RCAN2: variants seen among roughly 807,000 people sequenced by gnomAD.
The protein encoded by RCAN2 is regulator of calcineurin 2.
A neutral mutation model predicts 23.6 loss-of-function variants in RCAN2; 9 were observed. The observed-to-expected ratio is 0.38, with a 90% CI of 0.23 to 0.67. RCAN2 has a LOEUF of 0.67. RCAN2 is among the 30% of genes least tolerant of loss of function. The pLI is 0.51. For missense variants in RCAN2, 273 were observed against 302.3 expected (o/e 0.90, Z 0.72); for synonymous variants, 109 against 115.7 (o/e 0.94, Z 0.37).
intron 2 of RCAN2, among the ~76,000 whole-genome samples, chr6:46,285,288 C>T (rs1762336964): frequency 6.6e-6 from 1 of 152,196 alleles, no homozygotes; most frequent in Non-Finnish European, 1.5e-5. Flanking sequence ...GGGCTCCACC[C>T]TATTTCCAGA....
At chr6:46,373,283 G>C (rs1194822474) in intron 2 of RCAN2, among the ~76,000 whole-genome samples, 1 of 151,950 alleles carries the variant, frequency 6.6e-6, no homozygotes, top group Non-Finnish European at 1.5e-5. Flanking sequence ...TTTATTTTTT[G>C]AGACAGAGCC....
chr6:46,389,034 T>C (rs889837757), intron 2 of RCAN2, among the ~76,000 whole-genome samples: 23 of 152,140 alleles, frequency 1.5e-4, no homozygotes, highest in Admixed American at 1.4e-3. Flanking sequence ...TTTCTATATA[T>C]CATGAGGTAG....
intron 4 of RCAN2, among the ~76,000 whole-genome samples, chr6:46,231,412 A>AT (rs549485650): frequency 0.024 from 3,473 of 142,660 alleles, 57 homozygotes; most frequent in African/African-American, 0.048. Flanking sequence ...GGTTTGTGGC[A>AT]TTTTTTTTTT....
chr6:46,291,222 G>A (rs1211710902), intron 2 of RCAN2, among the ~76,000 whole-genome samples: 1 of 150,478 alleles, frequency 6.6e-6, no homozygotes, highest in African/African-American at 2.4e-5. Flanking sequence ...CACAGAGTCA[G>A]GGGGAAAAAA....
At chr6:46,313,976 T>C (rs931454275) in intron 2 of RCAN2, among the ~76,000 whole-genome samples, 1 of 149,918 alleles carries the variant, frequency 6.7e-6, no homozygotes, top group Non-Finnish European at 1.5e-5. Context: ...TCAAATCTAC[T>C]CTTATTTATT....
chr6:46,345,775 T>A (rs1242415669), intron 2 of RCAN2, among the ~76,000 whole-genome samples: 1 of 152,168 alleles, frequency 6.6e-6, no homozygotes, highest in African/African-American at 2.4e-5. Flanking sequence ...TCTTTCCAAA[T>A]TGAGCCAGAC....
At chr6:46,292,842 A>T (rs2150346303) in intron 2 of RCAN2, among the ~76,000 whole-genome samples, 2 of 152,248 alleles carry the variant, frequency 1.3e-5, no homozygotes. Context: ...CATCTACATT[A>T]GGTATTTCTC....
chr6:46,257,693 G>A (rs189069839), intron 2 of RCAN2, among the ~76,000 whole-genome samples: 65 of 152,180 alleles, frequency 4.3e-4, no homozygotes, highest in Admixed American at 1.1e-3. Flanking sequence ...TCCCTCCCTC[G>A]ACATGTAGGG....
intron 1 of RCAN2, among the ~76,000 whole-genome samples, chr6:46,472,131 G>A (rs913494579): frequency 3.9e-5 from 6 of 152,120 alleles, no homozygotes; most frequent in African/African-American, 7.2e-5. Context: ...CCACAACAAC[G>A]TAGCTTTTAA....
chr6:46,459,163 G>A (rs968571960), intron 1 of RCAN2, among the ~76,000 whole-genome samples: 10 of 152,286 alleles, frequency 6.6e-5, no homozygotes, highest in Admixed American at 2.0e-4. Flanking sequence ...CTCCCAAAGC[G>A]TTGGGATTTC....
intron 2 of RCAN2, among the ~76,000 whole-genome samples, chr6:46,255,165 C>G (rs1249804712): frequency 1.3e-5 from 2 of 152,094 alleles, no homozygotes; most frequent in African/African-American, 2.4e-5. Flanking sequence ...ATACAGAGCA[C>G]CTAATATAAT....
At chr6:46,272,396 G>T (rs1275728248) in intron 2 of RCAN2, among the ~76,000 whole-genome samples, 1 of 152,142 alleles carries the variant, frequency 6.6e-6, no homozygotes, top group Non-Finnish European at 1.5e-5. Context: ...CATAGAACCT[G>T]TAACAAGTTA....
rs140754195 is a variant in RCAN2 at position 46,238,821 on chromosome 6, G to A, written c.571+7927C>T. ...CTCCTGCCTTAGCCTCCCAAAGACT[G>A]GGATTTATAGGGGTGAGCCACCACA... On this transcript the variant is annotated intron_variant, in intron 4 of 4. Coordinates refer to ENST00000371374, the MANE Select transcript of RCAN2 (RefSeq NM_001251974.2). Among the ~76,000 whole-genome samples, 463 of 152,234 alleles carry A rather than the reference G, an allele frequency of 3.0e-3. 2 individuals are homozygous for A. Among genetic ancestry groups the A allele is most frequent in the African/African-American group, 7.8e-3 (326 of 41,534 alleles).
At chr6:46,476,503 C>T (rs1456668256) in intron 1 of RCAN2, among the ~76,000 whole-genome samples, 1 of 152,114 alleles carries the variant, frequency 6.6e-6, no homozygotes, top group Non-Finnish European at 1.5e-5. Context: ...TGGTGAGTAA[C>T]AAAACATGGT....
intron 2 of RCAN2, among the ~76,000 whole-genome samples, chr6:46,388,706 C>A (rs1002715614): frequency 6.6e-6 from 1 of 152,134 alleles, no homozygotes; most frequent in African/African-American, 2.4e-5. Context: ...GAACAGAACA[C>A]CAAACACTGC....
chr6:46,228,459 T>G (rs1562092401), intron 4 of RCAN2, among the ~76,000 whole-genome samples: 1 of 152,230 alleles, frequency 6.6e-6, no homozygotes, highest in Non-Finnish European at 1.5e-5. Flanking sequence ...TGGGTGCTCC[T>G]GTATTGGGTG....
chr6:46,366,598 G>A (rs1351955557), intron 2 of RCAN2, among the ~76,000 whole-genome samples: 1 of 152,002 alleles, frequency 6.6e-6, no homozygotes, highest in Non-Finnish European at 1.5e-5. Context: ...TTTTGAATGT[G>A]TCGTCCTTTA....
intron 2 of RCAN2, among the ~76,000 whole-genome samples, chr6:46,263,509 G>GTGTA (rs1767199633): frequency 2.1e-5 from 2 of 97,272 alleles, no homozygotes; most frequent in African/African-American, 8.1e-5. Flanking sequence ...GTGTATGTGT[G>GTGTA]TGTATGTGTG....
chr6:46,415,700 A>T (rs539960803), intron 2 of RCAN2, among the ~76,000 whole-genome samples: 57 of 151,972 alleles, frequency 3.8e-4, no homozygotes, highest in South Asian at 6.2e-4. Context: ...AATGACTTTT[A>T]AAAAAAAATT....
Sources: gnomAD v4.1 joint callset for allele counts (sites outside exome capture counted in the v4.1 genomes callset) on GRCh38, gnomAD v4.1.1 for gene constraint, MANE v1.5 for transcripts, NCBI Gene and HGNC (gene_info 2026-07-23, HGNC 2026-07-21) for gene names.